HIVEP2: variants seen among roughly 807,000 people sequenced by gnomAD.
HIVEP2 encodes the protein HIVEP zinc finger 2.
HIVEP2 carries 14 observed loss-of-function variants against 180.7 expected under a neutral mutation model. The observed-to-expected ratio is 0.08, with a 90% confidence interval of 0.05 to 0.12. The LOEUF is 0.12. Ranked by LOEUF, HIVEP2 falls within the 10% of genes least tolerant of loss-of-function variation. HIVEP2 has a pLI of 1.00. For missense variants in HIVEP2, 2,579 were observed against 3,008.5 expected, an observed-to-expected ratio of 0.86 and a Z score of 3.34; for synonymous variants, 1,184 against 1,136.4, an observed-to-expected ratio of 1.04 and a Z score of -0.84.
chr6:142,928,164 CTGTG>C (rs1177374910), intron 1 of HIVEP2, among the ~76,000 whole-genome samples: 1 of 152,130 alleles, frequency 6.6e-6, no homozygotes, highest in Non-Finnish European at 1.5e-5. Flanking sequence ...GTGGAGGAGG[CTGTG>C]TGTATGTGGG....
At chr6:142,818,720 AAAAGAAAGAAAGAAAAG>A (rs1776924018) in intron 2 of HIVEP2, among the ~76,000 whole-genome samples, 7 of 78,244 alleles carry the variant, frequency 8.9e-5, no homozygotes, top group Admixed American at 8.7e-4. Flanking sequence ...AGAAAGAAAG[AAAAGAAAGAAAGAAAAG>A]AAAGAAAGAA....
chr6:142,884,609 T>C (rs1008935713), intron 1 of HIVEP2, among the ~76,000 whole-genome samples: 2 of 152,008 alleles, frequency 1.3e-5, no homozygotes, highest in Non-Finnish European at 2.9e-5. Flanking sequence ...AGCTCAAGAA[T>C]TACTTTTGCA....
intron 2 of HIVEP2, among the ~76,000 whole-genome samples, chr6:142,818,716 AAAGAAAAGAAAGAAAGAAAAGAAAG>A (rs1562249072): frequency 5.2e-5 from 5 of 95,500 alleles, no homozygotes; most frequent in Admixed American, 1.1e-4. Flanking sequence ...AGAAAGAAAG[AAAGAAAAGAAAGAAAGAAAAGAAAG>A]AAAGAAAGAA....
intron 1 of HIVEP2, among the ~76,000 whole-genome samples, chr6:142,840,492 T>C (rs1341833226): frequency 6.6e-6 from 1 of 152,164 alleles, no homozygotes; most frequent in Non-Finnish European, 1.5e-5. Context: ...TTAAAAATTT[T>C]AATCTATTAT....
chr6:142,927,188 G>T (rs1439935226), intron 1 of HIVEP2, among the ~76,000 whole-genome samples: 1 of 152,156 alleles, frequency 6.6e-6, no homozygotes, highest in Non-Finnish European at 1.5e-5. Flanking sequence ...GCCGCAGACT[G>T]CAGGCTGCCC....
In HIVEP2 at chr6:142,770,779, C is replaced by T. The variant is rs369511878; in HGVS notation, c.3960G>A (p.Ser1320=). ...GGGACTGCAAAGACCCAGCATTTGCCGAGGCAAAATCTTCTTGAAGAACCT... is the reference window on the plus strand; with the variant it reads ...GGGACTGCAAAGACCCAGCATTTGCTGAGGCAAAATCTTCTTGAAGAACCT... ...SEQVLQEDFA[S]ANAGSLQSLP... The change falls in exon 5 of 10, where the codon TCG becomes TCA. Residue 1320 remains serine, a synonymous_variant. Transcript: ENST00000367603. This position sits in a 1 kb window ranked among gnomAD's most constrained non-coding sequence, Gnocchi z 4.7. The T allele has an allele frequency of 3.8e-5, 62 of 1,614,040 alleles. No homozygotes were observed. Among genetic ancestry groups the T allele is most frequent in the African/African-American group, 1.7e-4 (13 of 74,918 alleles).
chr6:142,901,037 T>C (rs1341213418), intron 1 of HIVEP2, among the ~76,000 whole-genome samples: 1 of 152,224 alleles, frequency 6.6e-6, no homozygotes, highest in African/African-American at 2.4e-5. Flanking sequence ...TTTCAGATTT[T>C]CCGTTGCTCA....
Position 142,752,026 on chromosome 6 carries a change from T to C in HIVEP2, c.*1081A>G, listed in dbSNP as rs1472632089. ...GATTGCTAAGCCCAGGTCTTCTCCA[T>C]GAGCAGCGCACAGCACTGCCTGCCA... On this transcript the variant is annotated 3_prime_UTR_variant, in exon 10 of 10. Transcript: ENST00000367603. 2 of 152,638 alleles carry C rather than the reference T, an allele frequency of 1.3e-5. No individual in the cohort carries two copies. The highest frequency in any genetic ancestry group is 2.1e-4 in the South Asian group (1 of 4,818). The allele number at this position is 152,638 out of a possible 1,614,324, so 9.5% of individuals were successfully genotyped here. A position where few individuals can be genotyped will look rare whatever the true frequency, so the allele number is the denominator to read the frequency against.
At chr6:142,911,737 C>G (rs1051252952) in intron 1 of HIVEP2, among the ~76,000 whole-genome samples, 3 of 152,122 alleles carry the variant, frequency 2.0e-5, no homozygotes, top group Admixed American at 2.0e-4. Flanking sequence ...CTCCCTCTGT[C>G]CAGTTCAAGA....
At chr6:142,875,861 G>A (rs1423550688) in intron 1 of HIVEP2, among the ~76,000 whole-genome samples, 1 of 151,982 alleles carries the variant, frequency 6.6e-6, no homozygotes, top group African/African-American at 2.4e-5. Context: ...GGATTTAGGA[G>A]GAATACAAGT....
At chr6:142,807,463 C>A (rs1315128011) in intron 2 of HIVEP2, among the ~76,000 whole-genome samples, 7 of 152,070 alleles carry the variant, frequency 4.6e-5, no homozygotes. Flanking sequence ...GGATGTAGTT[C>A]TGGCAAAACT....
chr6:142,896,427 G>A (rs1327912505), intron 1 of HIVEP2, among the ~76,000 whole-genome samples: 4 of 151,996 alleles, frequency 2.6e-5, no homozygotes, highest in African/African-American at 9.7e-5. Flanking sequence ...TGGTTCACTG[G>A]TTTTTCGGTC....
At chr6:142,849,520 T>TATTTA (rs71270337) in intron 1 of HIVEP2, among the ~76,000 whole-genome samples, 1 of 149,644 alleles carries the variant, frequency 6.7e-6, no homozygotes, top group Admixed American at 6.7e-5. Flanking sequence ...TTTATTTATT[T>TATTTA]TTTTTTTTTT....
chr6:142,877,980 A>C lies in HIVEP2; in HGVS notation c.-640-40933T>G, dbSNP rs1582934735. ...GGATTGTGTGTTTCTGTGTGTGTGTATGTGTGTGTGTGTCTTAACATGGAG... is the reference window on the plus strand; with the variant it reads ...GGATTGTGTGTTTCTGTGTGTGTGTCTGTGTGTGTGTGTCTTAACATGGAG... On this transcript the variant is annotated intron_variant, in intron 1 of 9. Coordinates refer to ENST00000367603, the MANE Select transcript of HIVEP2 (RefSeq NM_006734.4). Among the ~76,000 whole-genome samples, 2 of 151,940 alleles carry C rather than the reference A, an allele frequency of 1.3e-5. 1 individual carries two copies. Among genetic ancestry groups the C allele is most frequent in the Admixed American group, 1.3e-4 (2 of 15,242 alleles).
intron 1 of HIVEP2, among the ~76,000 whole-genome samples, chr6:142,872,852 C>T (rs1776327265): frequency 1.3e-5 from 2 of 152,122 alleles, no homozygotes; most frequent in South Asian, 4.1e-4. Flanking sequence ...ATAAATTTCC[C>T]ACTGGATGCT....
rs78832691 is a variant in HIVEP2, at chr6:142,785,730, C to T, written c.-527-2115G>A. Among the ~76,000 whole-genome samples, 1,260 of 152,258 alleles carry T rather than the reference C, an allele frequency of 8.3e-3. 23 individuals carry two copies. The highest frequency in any genetic ancestry group is 0.029 in the African/African-American group (1,192 of 41,528). On this transcript the variant is annotated intron_variant, in intron 2 of 9. Coordinates refer to ENST00000367603, the MANE Select transcript of HIVEP2 (RefSeq NM_006734.4). ...GAAATGGTAAACACTCCTTTCATGA[C>T]ATGCACATGTATTTGAAATTGTAGA...
At chr6:142,796,490 T>A (rs560514141) in intron 2 of HIVEP2, among the ~76,000 whole-genome samples, 1 of 152,226 alleles carries the variant, frequency 6.6e-6, no homozygotes, top group East Asian at 1.9e-4. Flanking sequence ...AAGAAAATCA[T>A]AAGGAAGTGA....
intron 1 of HIVEP2, among the ~76,000 whole-genome samples, chr6:142,854,628 G>A (rs1049421633): frequency 6.6e-6 from 1 of 152,094 alleles, no homozygotes; most frequent in African/African-American, 2.4e-5. Context: ...TGGCAGAAAG[G>A]GCACGGGATG....
chr6:142,886,144 A>G (rs1487046190), intron 1 of HIVEP2, among the ~76,000 whole-genome samples: 3 of 152,218 alleles, frequency 2.0e-5, no homozygotes, highest in African/African-American at 7.2e-5. Context: ...TAATTACCAC[A>G]TGTATTACAT....
Sources: gnomAD v4.1 joint callset for allele counts (sites outside exome capture counted in the v4.1 genomes callset) on GRCh38, gnomAD v4.1.1 for gene constraint, Gnocchi (gnomAD v3.1) non-coding constraint, MANE v1.5 for transcripts, NCBI Gene and HGNC (gene_info 2026-07-23, HGNC 2026-07-21) for gene names.